ST6GAL1: variants seen among roughly 807,000 people sequenced by gnomAD.
The protein encoded by ST6GAL1 is ST6 beta-galactoside alpha-2,6-sialyltransferase 1, also known as beta-galactoside alpha-2,6-sialyltransferase 1.
Under a neutral mutation model 38.0 loss-of-function variants are expected in ST6GAL1, and 20 were observed. That is an observed-to-expected ratio of 0.53 (90% CI 0.37 to 0.77). The LOEUF (loss-of-function observed/expected upper bound fraction) is 0.77. Ranked by LOEUF, ST6GAL1 falls within the 30% of genes least tolerant of loss-of-function variation. The pLI is 0.00. For synonymous variants in ST6GAL1, 196 were observed against 188.2 expected, an observed-to-expected ratio of 1.04 and a Z score of -0.34; for missense variants, 432 against 496.4, an observed-to-expected ratio of 0.87 and a Z score of 1.23.
At chr3:187,045,746 G>A (rs866755879) in intron 4 of ST6GAL1, among the ~76,000 whole-genome samples, 20 of 152,098 alleles carry the variant, frequency 1.3e-4, no homozygotes, top group African/African-American at 2.4e-4. Flanking sequence ...AATAAAATTC[G>A]GTGTGATTAT....
At chr3:186,990,408 C>T (rs563777098) in intron 2 of ST6GAL1, among the ~76,000 whole-genome samples, 1 of 152,232 alleles carries the variant, frequency 6.6e-6, no homozygotes, top group South Asian at 2.1e-4. Flanking sequence ...ATCATTAGAG[C>T]GAGAGAAACT....
chr3:187,037,842 A>G (rs1461348337), intron 2 of ST6GAL1, among the ~76,000 whole-genome samples: 1 of 133,512 alleles, frequency 7.5e-6, no homozygotes, highest in Admixed American at 7.9e-5. Context: ...ATGTAAAATT[A>G]TAAAAGATGA....
intron 5 of ST6GAL1, among the ~76,000 whole-genome samples, chr3:187,059,237 T>C (rs376218466): frequency 2.6e-5 from 4 of 151,894 alleles, no homozygotes; most frequent in Admixed American, 2.6e-4. Flanking sequence ...CCTGGCTAAG[T>C]TGGAGGTGGA....
intron 2 of ST6GAL1, among the ~76,000 whole-genome samples, chr3:187,035,372 T>G (rs569493424): frequency 6.6e-6 from 1 of 152,332 alleles, no homozygotes; most frequent in East Asian, 1.9e-4. Context: ...AAACTACCAA[T>G]GTCATTTTTC....
rs147372544 is a variant in ST6GAL1, at chr3:187,058,244, C to T, written c.705+6898C>T. Among the ~76,000 whole-genome samples, 171 of 152,296 alleles carry T rather than the reference C, an allele frequency of 1.1e-3. 1 individual carries two copies. The highest frequency in any genetic ancestry group is 2.6e-3 in the African/African-American group (108 of 41,554). ...GAAAGGGAAGTCCCCTGACCCCTTG[C>T]GCTTCCTGGGTGAGGTGATGCCCCA... On this transcript the variant is annotated intron_variant, in intron 5 of 7. Transcript: ENST00000169298.
At chr3:187,067,077 C>CTTTTTTTTTT (rs1719176608) in intron 5 of ST6GAL1, among the ~76,000 whole-genome samples, 1 of 115,238 alleles carries the variant, frequency 8.7e-6, no homozygotes, top group African/African-American at 3.7e-5. Flanking sequence ...TTCTTTCTTT[C>CTTTTTTTTTT]TTTCTTTTTT....
intron 2 of ST6GAL1, among the ~76,000 whole-genome samples, chr3:187,017,318 T>C (rs1455499840): frequency 1.3e-5 from 2 of 152,218 alleles, no homozygotes; most frequent in Non-Finnish European, 2.9e-5. Flanking sequence ...CTGATGTTTA[T>C]TGGTCTGGAT....
intron 1 of ST6GAL1, among the ~76,000 whole-genome samples, chr3:186,931,748 C>CA (rs540952742): frequency 7.0e-4 from 107 of 152,220 alleles, no homozygotes; most frequent in Non-Finnish European, 1.3e-3. Context: ...TCCGTGTGCC[C>CA]AGACACCCCA....
chr3:187,033,885 A>C (rs1382348934), intron 2 of ST6GAL1, among the ~76,000 whole-genome samples: 1 of 152,214 alleles, frequency 6.6e-6, no homozygotes, highest in Non-Finnish European at 1.5e-5. Flanking sequence ...AAGCTGGCAG[A>C]AAAAGAAAAA....
intron 2 of ST6GAL1, among the ~76,000 whole-genome samples, chr3:186,980,195 G>T (rs886895742): frequency 1.3e-5 from 2 of 152,146 alleles, no homozygotes; most frequent in African/African-American, 4.8e-5. Context: ...TGTTAAAAGA[G>T]CAATTCCCAG....
At chr3:186,994,188 A>G (rs9851084) in intron 2 of ST6GAL1, among the ~76,000 whole-genome samples, 32,257 of 152,140 alleles carry the variant, frequency 0.21, 3,599 homozygotes, top group African/African-American at 0.3. Flanking sequence ...AGAGAGAGTA[A>G]TTGAAATAAT....
chr3:186,993,535 CAGTT>C (rs1417724264), intron 2 of ST6GAL1, among the ~76,000 whole-genome samples: 5 of 151,788 alleles, frequency 3.3e-5, no homozygotes, highest in Non-Finnish European at 7.4e-5. Context: ...CTCTGCTTCT[CAGTT>C]AGATAACTTG....
intron 4 of ST6GAL1, chr3:187,043,717 A>G (rs1718206798): frequency 6.5e-6 from 1 of 153,520 alleles, no homozygotes; most frequent in South Asian, 2.0e-4. Flanking sequence ...AATTGTGTAG[A>G]AGATTTCATT....
intron 2 of ST6GAL1, among the ~76,000 whole-genome samples, chr3:186,994,872 C>T (rs549200169): frequency 6.6e-6 from 1 of 151,174 alleles, no homozygotes; most frequent in Non-Finnish European, 1.5e-5. Context: ...ACCCAGGAGG[C>T]GGAGGTTGTA....
intron 1 of ST6GAL1, among the ~76,000 whole-genome samples, chr3:186,933,063 C>T (rs1248405803): frequency 1.3e-5 from 2 of 152,216 alleles, no homozygotes; most frequent in African/African-American, 2.4e-5. Context: ...AGCCAAGCTA[C>T]GAGTTAAATC....
At chr3:186,987,554 ATATT>A (rs201342367) in intron 2 of ST6GAL1, among the ~76,000 whole-genome samples, 3,999 of 152,328 alleles carry the variant, frequency 0.026, 81 homozygotes, top group Middle Eastern at 0.082. Context: ...AATTTGAGAA[ATATT>A]TATTTATCTA....
At chr3:187,051,950 C>G (rs1327266457) in intron 5 of ST6GAL1, among the ~76,000 whole-genome samples, 1 of 152,136 alleles carries the variant, frequency 6.6e-6, no homozygotes, top group African/African-American at 2.4e-5. Context: ...AACTGTATTA[C>G]ACATATATAT....
At chr3:187,019,620 C>T (rs1017107749) in intron 2 of ST6GAL1, among the ~76,000 whole-genome samples, 17 of 152,178 alleles carry the variant, frequency 1.1e-4, no homozygotes, top group Non-Finnish European at 5.9e-5. Context: ...GAAGGGTCAG[C>T]ATTAAGTGGC....
intron 2 of ST6GAL1, among the ~76,000 whole-genome samples, chr3:186,985,325 A>G (rs751581647): frequency 3.9e-5 from 6 of 152,128 alleles, no homozygotes; most frequent in Non-Finnish European, 7.4e-5. Flanking sequence ...CTCTGCTAGT[A>G]TGTAAAACTC....
Sources: allele counts gnomAD v4.1 joint callset (sites outside exome capture counted in the v4.1 genomes callset), GRCh38; gene constraint gnomAD v4.1.1; transcripts MANE v1.5; gene names NCBI Gene and HGNC (gene_info 2026-07-23, HGNC 2026-07-21).